GPHN: variants seen among roughly 807,000 people sequenced by gnomAD.
GPHN encodes the protein gephyrin.
A neutral mutation model predicts 95.5 loss-of-function variants in GPHN; 17 were observed. That is an observed-to-expected ratio of 0.18 (90% CI 0.12 to 0.27). The LOEUF is 0.27. Among genes scored for constraint, GPHN ranks in the 10% least tolerant of loss-of-function variants. The pLI is 1.00. For synonymous variants in GPHN, 320 were observed against 322.5 expected (o/e 0.99, Z 0.08); for missense variants, 660 against 978.1 (o/e 0.67, Z 4.34).
chr14:66,557,644 A>G (rs2060060994), intron 1 of GPHN, among the ~76,000 whole-genome samples: 1 of 152,150 alleles, frequency 6.6e-6, no homozygotes, highest in Non-Finnish European at 1.5e-5. Context: ...CAGAGCCTTC[A>G]TGTTTTCTCA....
chr14:67,332,869 T>C, the GPHN span: 13 of 1,613,936 alleles, frequency 8.1e-6, no homozygotes, highest in African/African-American at 1.3e-5. Flanking sequence ...TGAATTCCGA[T>C]CTTGATAAAG....
chr14:66,775,290 C>CT (rs991249278), intron 2 of GPHN, among the ~76,000 whole-genome samples: 5 of 151,912 alleles, frequency 3.3e-5, no homozygotes, highest in Admixed American at 6.6e-5. Context: ...CTGAGGTATA[C>CT]TTATAAGTGC....
chr14:66,832,408 T>C (rs2061614072), intron 4 of GPHN, among the ~76,000 whole-genome samples: 1 of 152,218 alleles, frequency 6.6e-6, no homozygotes, highest in Non-Finnish European at 1.5e-5. Context: ...CCAAATACTT[T>C]TGCTACTAAC....
At position 66,935,375 on chromosome 14, in the gene GPHN, ACTT is replaced by A. The variant is rs1444875684; in HGVS notation, c.828+11090_828+11092del. ...GCCCTGGGAAGAAAAAGAGTTGGTGACTTCTTCTTGGTAAATGATACGGAAAAA... is the reference window on the plus strand; with the variant it reads ...GCCCTGGGAAGAAAAAGAGTTGGTGACTTCTTGGTAAATGATACGGAAAAA... On this transcript the variant is annotated intron_variant, in intron 8 of 22. Coordinates refer to ENST00000478722, the MANE Select transcript of GPHN (RefSeq NM_020806.5). Among the ~76,000 whole-genome samples, 4 of 151,876 alleles carry A rather than the reference ACTT, an allele frequency of 2.6e-5. No individual in the cohort carries two copies. In the South Asian group the frequency reaches 6.2e-4, roughly 24 times the overall value.
chr14:66,640,020 G>C (rs748895595), intron 1 of GPHN, among the ~76,000 whole-genome samples: 11 of 152,150 alleles, frequency 7.2e-5, no homozygotes, highest in Middle Eastern at 3.2e-3. Context: ...ATAGACTGGA[G>C]TAAAGGCATT....
the GPHN span, chr14:67,615,249 AT>A: frequency 6.5e-6 from 1 of 152,830 alleles, no homozygotes; most frequent in East Asian, 1.9e-4. Flanking sequence ...TTAGAATTTT[AT>A]TTTTGAAAAC....
chr14:67,607,611 C>T, the GPHN span, among the ~76,000 whole-genome samples: 11 of 152,100 alleles, frequency 7.2e-5, no homozygotes, highest in African/African-American at 9.7e-5. Flanking sequence ...GTGATCTGCC[C>T]GCCTCGGCCT....
At chr14:67,725,322 C>A in the GPHN span, 2 of 1,496,400 alleles carry the variant, frequency 1.3e-6, no homozygotes, top group East Asian at 2.3e-5. Flanking sequence ...CACCCTAGAC[C>A]ATCTATGGCC....
At chr14:66,817,682 T>G (rs2061031847) in intron 3 of GPHN, among the ~76,000 whole-genome samples, 1 of 152,192 alleles carries the variant, frequency 6.6e-6, no homozygotes, top group Admixed American at 6.5e-5. Flanking sequence ...CTGGAGAATC[T>G]AAGCCTCACT....
intron 9 of GPHN, chr14:66,968,994 A>G (rs1460119901): frequency 2.0e-5 from 3 of 149,710 alleles, no homozygotes; most frequent in Non-Finnish European, 3.0e-5. Context: ...AACAAAATCT[A>G]TAAAACTATA....
the GPHN span, among the ~76,000 whole-genome samples, chr14:67,530,339 C>T: frequency 6.6e-6 from 1 of 152,188 alleles, no homozygotes; most frequent in Non-Finnish European, 1.5e-5. Context: ...GCAACTGCCC[C>T]AAGGTCCCAC....
the GPHN span, among the ~76,000 whole-genome samples, chr14:67,632,812 T>A: frequency 9.1e-6 from 1 of 109,930 alleles, no homozygotes; most frequent in South Asian, 3.7e-4. Context: ...CTCTTAATTT[T>A]TTTTTTTTTT....
the GPHN span, among the ~76,000 whole-genome samples, chr14:67,427,877 A>G: frequency 6.6e-6 from 1 of 150,884 alleles, no homozygotes; most frequent in Non-Finnish European, 1.5e-5. Context: ...AGCCTCTCGC[A>G]CACATTTCCG....
rs150476461 is a variant in GPHN, at chr14:66,895,239, T to A, written c.389+15206T>A. ...TGGATGAAGCTGGAAACCAACATTC[T>A]CATCAGACTATCGCAAAAACAAAAA... On this transcript the variant is annotated intron_variant, in intron 5 of 22. Coordinates refer to ENST00000478722, the MANE Select transcript of GPHN (RefSeq NM_020806.5). Among the ~76,000 whole-genome samples, 61 of 152,272 alleles carry A rather than the reference T, an allele frequency of 4.0e-4. No homozygotes were observed. The East Asian group carries it at 0.01, about 25-fold the overall frequency.
chr14:66,986,103 T>C (rs1275140697), intron 9 of GPHN, among the ~76,000 whole-genome samples: 1 of 147,766 alleles, frequency 6.8e-6, no homozygotes, highest in Non-Finnish European at 1.5e-5. Flanking sequence ...TTCAGAATAT[T>C]ATCTCCCCTT....
chr14:67,363,840 T>C, the GPHN span, among the ~76,000 whole-genome samples: 1 of 152,188 alleles, frequency 6.6e-6, no homozygotes, highest in Non-Finnish European at 1.5e-5. Flanking sequence ...CTACCTACGT[T>C]TTGAGCAGTG....
chr14:66,567,190 T>G (rs141503529), intron 1 of GPHN, among the ~76,000 whole-genome samples: 398 of 152,184 alleles, frequency 2.6e-3, no homozygotes, highest in African/African-American at 7.9e-3. Flanking sequence ...ATCCCTAGAA[T>G]TTTGAGCATA....
At chr14:67,525,199 G>A in the GPHN span, among the ~76,000 whole-genome samples, 1 of 151,896 alleles carries the variant, frequency 6.6e-6, no homozygotes, top group East Asian at 1.9e-4. Context: ...TAATCTCTGG[G>A]AAAAATAATT....
chr14:66,916,347 C>A (rs558145566), intron 6 of GPHN, among the ~76,000 whole-genome samples: 1 of 152,194 alleles, frequency 6.6e-6, no homozygotes, highest in Non-Finnish European at 1.5e-5. Context: ...GGAATACTAC[C>A]AAACACAGAG....
Sources: allele counts gnomAD v4.1 joint callset (sites outside exome capture counted in the v4.1 genomes callset), GRCh38; gene constraint gnomAD v4.1.1; transcripts MANE v1.5; gene names NCBI Gene and HGNC (gene_info 2026-07-23, HGNC 2026-07-21).